TNIK: variants seen among roughly 807,000 people sequenced by gnomAD.
The protein encoded by TNIK is TRAF2 and NCK-interacting protein kinase.
Under a neutral mutation model 191.3 loss-of-function variants are expected in TNIK, and 49 were observed. The observed-to-expected ratio is 0.26, with a 90% confidence interval of 0.20 to 0.32. The LOEUF is 0.32. Among genes scored for constraint, TNIK ranks in the 10% least tolerant of loss-of-function variants. The pLI, the probability that TNIK is intolerant of heterozygous loss-of-function variation, is 1.00. For synonymous variants in TNIK, 594 were observed against 600.9 expected (o/e 0.99, Z 0.17); for missense variants, 1,155 against 1,702.3 (o/e 0.68, Z 5.66).
chr3:171,242,026 GA>G (rs1369313890), intron 2 of TNIK, among the ~76,000 whole-genome samples: 1 of 146,026 alleles, frequency 6.8e-6, no homozygotes, highest in Non-Finnish European at 1.5e-5. Flanking sequence ...GGGGTGGGGG[GA>G]AGGGGGAGGG....
chr3:171,261,605 G>C (rs16856062), intron 2 of TNIK, among the ~76,000 whole-genome samples: 10,133 of 152,206 alleles, frequency 0.067, 397 homozygotes, highest in Middle Eastern at 0.12. Context: ...TCATAATTCC[G>C]AGTGTAAAGA....
intron 4 of TNIK, among the ~76,000 whole-genome samples, chr3:171,199,680 G>A (rs575837966): frequency 1.3e-5 from 2 of 152,232 alleles, no homozygotes; most frequent in Admixed American, 1.3e-4. Flanking sequence ...ATGTGTCCTT[G>A]GGTATGTTCC....
intron 1 of TNIK, among the ~76,000 whole-genome samples, chr3:171,403,611 C>CAAAAAA (rs57982642): frequency 8.3e-4 from 83 of 100,074 alleles, no homozygotes; most frequent in African/African-American, 2.5e-3. Context: ...GACTCCGTAT[C>CAAAAAA]AAAAAAAAAA....
In TNIK at chr3:171,450,984, G is replaced by A. The variant is rs115281447; in HGVS notation, c.57+9023C>T. On this transcript the variant is annotated intron_variant, in intron 1 of 32. Transcript: ENST00000436636. ...TAAAGCACTGAATTGGACAGTTTCA[G>A]GGTGGAAGGGAGTGTTACTTTACAG... 9.7e-3 allele frequency among the ~76,000 whole-genome samples: 1,482 copies of A among 152,320 alleles called. 23 individuals are homozygous for A. Among genetic ancestry groups the A allele is most frequent in the African/African-American group, 0.033 (1,391 of 41,566 alleles).
chr3:171,200,877 G>A (rs1047768689), intron 4 of TNIK, among the ~76,000 whole-genome samples: 3 of 152,194 alleles, frequency 2.0e-5, no homozygotes, highest in African/African-American at 7.2e-5. Context: ...CTCTTAGGAT[G>A]TTATTTCACA....
At chr3:171,390,382 T>A (rs9290411) in intron 1 of TNIK, among the ~76,000 whole-genome samples, 5 of 151,982 alleles carry the variant, frequency 3.3e-5, no homozygotes, top group Admixed American at 1.3e-4. Context: ...AAATAATAAC[T>A]ATGCAAGGTT....
intron 2 of TNIK, among the ~76,000 whole-genome samples, chr3:171,234,862 G>C (rs990780600): frequency 3.9e-5 from 6 of 152,164 alleles, no homozygotes; most frequent in Non-Finnish European, 7.3e-5. Context: ...CTCAAAAGCA[G>C]ACGAGCCAGC....
intron 2 of TNIK, among the ~76,000 whole-genome samples, chr3:171,239,596 C>T (rs925087373): frequency 1.3e-5 from 2 of 152,228 alleles, no homozygotes; most frequent in Admixed American, 1.3e-4. Context: ...CAGATCTCCG[C>T]AAAGGCTGAA....
intron 21 of TNIK, 52 bp from the exon 22 acceptor site, chr3:171,101,685 A>G (rs1353372634): frequency 1.3e-6 from 2 of 1,575,862 alleles, no homozygotes; most frequent in Admixed American, 3.8e-5. Flanking sequence ...GACCAAAGCT[A>G]CATCTCTCAG....
intron 2 of TNIK, among the ~76,000 whole-genome samples, chr3:171,311,931 A>T (rs1754056846): frequency 6.6e-6 from 1 of 151,876 alleles, no homozygotes; most frequent in Admixed American, 6.6e-5. Flanking sequence ...GCAAACATAC[A>T]CGCAAGGTCA....
intron 2 of TNIK, among the ~76,000 whole-genome samples, chr3:171,309,400 G>A (rs1753786372): frequency 6.6e-6 from 1 of 152,044 alleles, no homozygotes; most frequent in African/African-American, 2.4e-5. Context: ...AGGGCCTACT[G>A]GAAAGTGGAG....
rs552513147 is a variant in TNIK, at chr3:171,215,470, A to G, written c.181-4229T>C. 9.8e-5 allele frequency among the ~76,000 whole-genome samples: 15 copies of G among 152,318 alleles called. 1 individual carries two copies. In the South Asian group the frequency reaches 3.1e-3, roughly 32 times the overall value. On this transcript the variant is annotated intron_variant, in intron 3 of 32. Coordinates refer to ENST00000436636, the MANE Select transcript of TNIK (RefSeq NM_015028.4). Reference sequence around the variant, plus strand: ...GAAGTTAAGTAACTTTCCCAAGTTCACTCATACTTTAAATGTTAAACCTCA... The same window carrying G: ...GAAGTTAAGTAACTTTCCCAAGTTCGCTCATACTTTAAATGTTAAACCTCA...
At chr3:171,369,411 T>C (rs1227605352) in intron 2 of TNIK, among the ~76,000 whole-genome samples, 2 of 152,180 alleles carry the variant, frequency 1.3e-5, no homozygotes, top group Non-Finnish European at 2.9e-5. Context: ...CACAGTAATA[T>C]ATAATGAAGG....
At chr3:171,399,301 A>G (rs960804962) in intron 1 of TNIK, among the ~76,000 whole-genome samples, 1 of 152,210 alleles carries the variant, frequency 6.6e-6, no homozygotes, top group Non-Finnish European at 1.5e-5. Flanking sequence ...AAAGAGCTCA[A>G]GTAGATGCAA....
intron 2 of TNIK, among the ~76,000 whole-genome samples, chr3:171,333,851 G>A (rs142798630): frequency 9.9e-5 from 15 of 152,190 alleles, no homozygotes; most frequent in Admixed American, 2.0e-4. Flanking sequence ...CACAGGGAGC[G>A]CCTCCCGCCA....
At chr3:171,101,824 A>T in intron 21 of TNIK, 191 bp from the exon 22 acceptor site, 1 of 594,926 alleles carries the variant, frequency 1.7e-6, no homozygotes, top group Non-Finnish European at 2.8e-6. Flanking sequence ...AGAAAGATGA[A>T]ATCAATTTAA....
chr3:171,200,041 C>T (rs1051149273), intron 4 of TNIK, among the ~76,000 whole-genome samples: 1 of 152,156 alleles, frequency 6.6e-6, no homozygotes, highest in African/African-American at 2.4e-5. Flanking sequence ...ACCAGAGACA[C>T]ATGTTTTTGT....
At chr3:171,231,301 T>C (rs1743598302) in intron 2 of TNIK, among the ~76,000 whole-genome samples, 1 of 139,922 alleles carries the variant, frequency 7.1e-6, no homozygotes, top group African/African-American at 2.5e-5. Flanking sequence ...TTTTGTTTTG[T>C]TGTTGTTGTT....
At chr3:171,349,033 A>AC (rs945685731) in intron 2 of TNIK, among the ~76,000 whole-genome samples, 7 of 151,964 alleles carry the variant, frequency 4.6e-5, no homozygotes, top group African/African-American at 1.7e-4. Flanking sequence ...TTGGAAAAAA[A>AC]AAAAGAGGTT....
Sources: gnomAD v4.1 joint callset for allele counts (sites outside exome capture counted in the v4.1 genomes callset) on GRCh38, gnomAD v4.1.1 for gene constraint, MANE v1.5 for transcripts, NCBI Gene and HGNC (gene_info 2026-07-23, HGNC 2026-07-21) for gene names.